The following GRID1 variants were observed in gnomAD, a reference collection of about 807,000 sequenced individuals.
GRID1 encodes the protein glutamate ionotropic receptor delta type subunit 1.
A neutral mutation model predicts 98.0 loss-of-function variants in GRID1; 28 were observed. The ratio of observed to expected loss-of-function variants is 0.29; its 90% CI spans 0.21 to 0.39. GRID1 has a LOEUF of 0.39. GRID1 is among the 10% of genes least tolerant of loss of function. GRID1 has a pLI of 1.00. For missense variants in GRID1, 1,111 were observed against 1,340.5 expected (o/e 0.83, Z 2.67); for synonymous variants, 553 against 538.5 (o/e 1.03, Z -0.37).
chr10:85,619,880 G>T lies in GRID1; in HGVS notation c.2347C>A (p.Leu783Ile). The T allele has an allele frequency of 6.2e-7, 1 of 1,614,004 alleles. No individual in the cohort carries two copies. Among genetic ancestry groups the T allele is most frequent in the Non-Finnish European group, 8.5e-7 (1 of 1,179,892 alleles). ...ALQHGSPYRD[L>I]FSQRILELQD... ...GCCCAAGCCTACCTCTGGGAGAAGA[G>T]GTCCCTGTAGGGGCTGCCATGCTGC... Residue 783 changes from leucine (L) to isoleucine (I), a missense_variant, in exon 14 of 16, where the codon CTC becomes ATC. Around this residue, in one of 3 missense-constraint regions of GRID1, gnomAD observed 762 missense variants for 869.1 expected, o/e 0.88. Transcript: ENST00000327946.
intron 13 of GRID1, among the ~76,000 whole-genome samples, chr10:85,632,791 C>T (rs1842990456): frequency 6.6e-6 from 1 of 152,144 alleles, no homozygotes; most frequent in Non-Finnish European, 1.5e-5. Flanking sequence ...CATAGGTAAA[C>T]GTGTGCCATG....
intron 2 of GRID1, among the ~76,000 whole-genome samples, chr10:86,306,987 A>C (rs55953127): frequency 0.011 from 1,655 of 152,370 alleles, 15 homozygotes; most frequent in Non-Finnish European, 0.015. Flanking sequence ...AGTACAAGTA[A>C]TAAACATATC....
At chr10:86,053,652 C>A (rs569023472) in intron 4 of GRID1, among the ~76,000 whole-genome samples, 1 of 152,248 alleles carries the variant, frequency 6.6e-6, no homozygotes, top group South Asian at 2.1e-4. Context: ...CCATGCCTGG[C>A]CTTTACTGCA....
rs545816957 is a variant in GRID1 at position 85,695,640 on chromosome 10, A to G, written c.1997+27363T>C. On this transcript the variant is annotated intron_variant, in intron 12 of 15. Coordinates refer to ENST00000327946, the MANE Select transcript of GRID1 (RefSeq NM_017551.3). ...GAAGTAAAAAATCAAAAGATGTGGA[A>G]TATCTCCAATTTGACCTTAAGAAAA... 3.3e-5 allele frequency among the ~76,000 whole-genome samples: 5 copies of G among 152,322 alleles called. No homozygotes were observed. In the South Asian group the frequency reaches 1.0e-3, roughly 32 times the overall value.
chr10:85,818,803 T>C (rs1287334033), intron 8 of GRID1, among the ~76,000 whole-genome samples: 2 of 152,078 alleles, frequency 1.3e-5, no homozygotes, highest in African/African-American at 4.8e-5. Context: ...CTGCAACCTC[T>C]GCCTCCCCTG....
intron 8 of GRID1, among the ~76,000 whole-genome samples, chr10:85,835,839 T>C (rs1367917479): frequency 6.6e-6 from 1 of 152,200 alleles, no homozygotes; most frequent in East Asian, 1.9e-4. Context: ...GTATGTTATC[T>C]GATTATAATG....
intron 12 of GRID1, among the ~76,000 whole-genome samples, chr10:85,681,587 A>T (rs7899530): frequency 0.045 from 6,856 of 152,080 alleles, 470 homozygotes; most frequent in African/African-American, 0.15. Context: ...ACTGCCTCTT[A>T]ACCTGGAATG....
At chr10:85,868,085 C>T (rs1843238879) in intron 6 of GRID1, among the ~76,000 whole-genome samples, 1 of 152,156 alleles carries the variant, frequency 6.6e-6, no homozygotes, top group Admixed American at 6.5e-5. Context: ...GTTCTGCAAC[C>T]CCAATTTCTA....
At chr10:85,829,011 A>G (rs978323531) in intron 8 of GRID1, among the ~76,000 whole-genome samples, 2 of 152,174 alleles carry the variant, frequency 1.3e-5, no homozygotes, top group Non-Finnish European at 2.9e-5. Context: ...ACAAAAACAG[A>G]AAACATCAGG....
chr10:86,004,315 G>T (rs941769342), intron 4 of GRID1, among the ~76,000 whole-genome samples: 14 of 152,214 alleles, frequency 9.2e-5, no homozygotes, highest in African/African-American at 3.4e-4. Context: ...TCAAAGAAGA[G>T]ATAGATATGC....
At chr10:86,079,358 G>C (rs1843931640) in intron 4 of GRID1, among the ~76,000 whole-genome samples, 1 of 152,182 alleles carries the variant, frequency 6.6e-6, no homozygotes, top group Non-Finnish European at 1.5e-5. Context: ...TTCTAGGCTG[G>C]TGGGGGCAAG....
At chr10:85,765,284 G>C (rs1231739900) in intron 8 of GRID1, among the ~76,000 whole-genome samples, 1 of 152,168 alleles carries the variant, frequency 6.6e-6, no homozygotes, top group Admixed American at 6.5e-5. Context: ...CATCCAGAGG[G>C]AGATTTAGCT....
intron 2 of GRID1, among the ~76,000 whole-genome samples, chr10:86,208,868 G>A (rs17320915): frequency 0.29 from 44,807 of 152,110 alleles, 7,259 homozygotes; most frequent in Non-Finnish European, 0.38. Context: ...TGTCCAAACC[G>A]TAGGAACAGC....
At chr10:85,622,173 G>A (rs559575236) in intron 13 of GRID1, among the ~76,000 whole-genome samples, 109 of 152,180 alleles carry the variant, frequency 7.2e-4, no homozygotes, top group African/African-American at 2.4e-3. Context: ...TGGGCTCAGG[G>A]ACAGGTGAGC....
At chr10:85,929,571 G>A (rs1163419744) in intron 4 of GRID1, among the ~76,000 whole-genome samples, 2 of 152,226 alleles carry the variant, frequency 1.3e-5, no homozygotes, top group Non-Finnish European at 2.9e-5. Flanking sequence ...AGAGCCTTGT[G>A]CCGTATAAGG....
At chr10:86,355,831 G>A (rs747689577) in intron 2 of GRID1, among the ~76,000 whole-genome samples, 3 of 152,226 alleles carry the variant, frequency 2.0e-5, no homozygotes, top group African/African-American at 7.2e-5. Flanking sequence ...AGAGAGATGC[G>A]TGGTCTCTGC....
chr10:86,327,738 T>C lies in GRID1; in HGVS notation c.235+36203A>G, dbSNP rs529437656. The stretch of plus-strand genomic sequence containing the variant: ...CAATGAGGTACCGCCTATCAGCCAT[T>C]GGACTGACAAAAATTAAGACTGATA... On this transcript the variant is annotated intron_variant, in intron 2 of 15. Transcript: ENST00000327946. Among the ~76,000 whole-genome samples, 7 of 152,294 alleles carry C rather than the reference T, an allele frequency of 4.6e-5. No individual in the cohort carries two copies. The South Asian group carries it at 1.5e-3, about 32-fold the overall frequency.
At chr10:85,789,115 AT>A (rs1399375486) in intron 8 of GRID1, among the ~76,000 whole-genome samples, 1 of 152,200 alleles carries the variant, frequency 6.6e-6, no homozygotes, top group Non-Finnish European at 1.5e-5. Context: ...AAATAAGTAA[AT>A]ATAAATAAAT....
chr10:85,681,098 C>T (rs1841203903), intron 12 of GRID1, among the ~76,000 whole-genome samples: 1 of 152,092 alleles, frequency 6.6e-6, no homozygotes, highest in African/African-American at 2.4e-5. Flanking sequence ...ATCCATGCAT[C>T]AAAACTGCAC....
Sources: gnomAD v4.1 joint callset for allele counts (sites outside exome capture counted in the v4.1 genomes callset) on GRCh38, gnomAD v4.1.1 for gene constraint, gnomAD v4.1.1 regional missense constraint, MANE v1.5 for transcripts, NCBI Gene and HGNC (gene_info 2026-07-23, HGNC 2026-07-21) for gene names.